ABCA1: variants seen among roughly 807,000 people sequenced by gnomAD.
The protein encoded by ABCA1 is ATP binding cassette subfamily A member 1.
Under a neutral mutation model 262.5 loss-of-function variants are expected in ABCA1, and 133 were observed. The ratio of observed to expected loss-of-function variants is 0.51; its 90% CI spans 0.44 to 0.59. The LOEUF is 0.59. ABCA1 is among the 20% of genes least tolerant of loss of function. The pLI is 0.00. For missense variants in ABCA1, 2,452 were observed against 2,777.5 expected (o/e 0.88, Z 2.63); for synonymous variants, 1,022 against 1,043.5 (o/e 0.98, Z 0.40).
intron 6 of ABCA1, among the ~76,000 whole-genome samples, chr9:104,859,529 T>C (rs765774501): frequency 6.6e-6 from 1 of 152,230 alleles, no homozygotes; most frequent in African/African-American, 2.4e-5. Context: ...CCTGTTTAAA[T>C]TGGGGCAGGC....
chr9:104,859,636 T>C (rs1052994727), intron 6 of ABCA1, among the ~76,000 whole-genome samples: 2 of 152,210 alleles, frequency 1.3e-5, no homozygotes, highest in African/African-American at 4.8e-5. Flanking sequence ...TGGCCTACCA[T>C]GATTCCCATT....
chr9:104,875,409 G>C (rs1838076446), intron 5 of ABCA1, among the ~76,000 whole-genome samples: 1 of 151,712 alleles, frequency 6.6e-6, no homozygotes, highest in South Asian at 2.1e-4. Context: ...TGAACATAAG[G>C]GAAGTGGCAG....
chr9:104,827,840 T>C (rs1180431040), intron 15 of ABCA1, among the ~76,000 whole-genome samples: 1 of 152,192 alleles, frequency 6.6e-6, no homozygotes, highest in African/African-American at 2.4e-5. Flanking sequence ...AATAAAGTCC[T>C]TGACCTTCCT....
intron 15 of ABCA1, among the ~76,000 whole-genome samples, chr9:104,827,508 G>A (rs1391683086): frequency 3.3e-5 from 5 of 152,200 alleles, no homozygotes; most frequent in Admixed American, 6.5e-5. Flanking sequence ...TGGCACCACA[G>A]AAGAGCTGTG....
In ABCA1 at chr9:104,806,387, G is replaced by A. The variant is rs1564104548; in HGVS notation, c.4318C>T (p.Pro1440Ser). 2.5e-6 allele frequency: 4 copies of A among 1,614,150 alleles called. No homozygotes were observed. The highest frequency in any genetic ancestry group is 3.4e-6 in the Non-Finnish European group (4 of 1,180,034). Residue 1440 changes from proline to serine, a missense_variant, in exon 31 of 50, where the codon CCA becomes TCA. Transcript: ENST00000374736. ...AGGTCCATGATGGTCTGGGGAACTG[G>A]GGCAGTGGTCCACTCTTCCTCCCCT... ...QAGEEEWTTA[P>S]VPQTIMDLFQ...
chr9:104,792,007 A>T lies in ABCA1; in HGVS notation c.5758-9T>A. 2 of 1,611,872 alleles carry T rather than the reference A, an allele frequency of 1.2e-6. No homozygotes were observed. The highest frequency in any genetic ancestry group is 1.7e-6 in the Non-Finnish European group (2 of 1,179,070). ...CGCTTCCTTCTATATATCTGCAACAAACAAAATGTAAACATTCATAAGCCT... is the reference window on the plus strand; with the variant it reads ...CGCTTCCTTCTATATATCTGCAACATACAAAATGTAAACATTCATAAGCCT... On this transcript the variant is annotated splice_polypyrimidine_tract_variant and intron_variant, in intron 42 of 49. Transcript: ENST00000374736.
intron 5 of ABCA1, among the ~76,000 whole-genome samples, chr9:104,878,367 T>C (rs750775715): frequency 4.6e-5 from 7 of 152,232 alleles, no homozygotes; most frequent in Non-Finnish European, 7.3e-5. Flanking sequence ...TTGGATTTCT[T>C]ATTAGGATGA....
intron 2 of ABCA1, among the ~76,000 whole-genome samples, chr9:104,890,921 T>C (rs1361906739): frequency 6.6e-6 from 1 of 152,206 alleles, no homozygotes; most frequent in Non-Finnish European, 1.5e-5. Flanking sequence ...TGGATCTCTG[T>C]TAACATCTTT....
chr9:104,819,726 A>C lies in ABCA1; in HGVS notation c.3104-3T>G. The C allele has an allele frequency of 6.2e-7, 1 of 1,614,150 alleles. No individual in the cohort carries two copies. The highest frequency in any genetic ancestry group is 1.1e-5 in the South Asian group (1 of 91,082). On this transcript the variant is annotated splice_region_variant and splice_polypyrimidine_tract_variant and intron_variant, in intron 21 of 49. Transcript: ENST00000374736. Reference sequence around the variant, plus strand: ...AGATAGCTTTCTCTGCATTCCACCTACAAAAAAACAGAGCAAGACAAACTC... The same window carrying C: ...AGATAGCTTTCTCTGCATTCCACCTCCAAAAAAACAGAGCAAGACAAACTC...
chr9:104,905,736 A>G (rs1841078505), intron 1 of ABCA1, among the ~76,000 whole-genome samples: 1 of 152,248 alleles, frequency 6.6e-6, no homozygotes, highest in Non-Finnish European at 1.5e-5. Flanking sequence ...ACTGAAATAA[A>G]TAATTAGCTA....
chr9:104,837,136 G>A lies in ABCA1; in HGVS notation c.1195-40C>T, dbSNP rs750585777. 34 of 1,514,208 alleles carry A rather than the reference G, an allele frequency of 2.2e-5. No individual in the cohort carries two copies. The Admixed American group carries it at 5.1e-4, about 23-fold the overall frequency. 93.8% of individuals were successfully genotyped at this position (1,514,208 alleles called of 1,614,324 possible). The stretch of plus-strand genomic sequence containing the variant: ...GGAGCCAGGGACCGCAGAAAAAGGA[G>A]GAGAAGCACAGACAATGAGCGTTTG... On this transcript the variant is annotated intron_variant, in intron 10 of 49. Coordinates refer to ENST00000374736, the MANE Select transcript of ABCA1 (RefSeq NM_005502.4).
intron 8 of ABCA1, among the ~76,000 whole-genome samples, chr9:104,842,395 C>A (rs919379098): frequency 3.9e-5 from 6 of 152,146 alleles, no homozygotes; most frequent in African/African-American, 1.2e-4. Context: ...ACTTCTCTTT[C>A]CACAGGCAGC....
intron 2 of ABCA1, among the ~76,000 whole-genome samples, chr9:104,891,327 A>C (rs1056012316): frequency 6.6e-6 from 1 of 152,262 alleles, no homozygotes; most frequent in African/African-American, 2.4e-5. Flanking sequence ...TGTGAGGCCA[A>C]GGCAGGCGGA....
At position 104,817,986 on chromosome 9, in the gene ABCA1, T is replaced by G. The variant is rs529734166; in HGVS notation, c.3463-582A>C. ...AACACACAAATAAATCTCAGGCATGTACTGCGGTACAGAGGAAAACATACC... is the reference window on the plus strand; with the variant it reads ...AACACACAAATAAATCTCAGGCATGGACTGCGGTACAGAGGAAAACATACC... On this transcript the variant is annotated intron_variant, in intron 23 of 49. Coordinates refer to ENST00000374736, the MANE Select transcript of ABCA1 (RefSeq NM_005502.4). This position sits in a 1 kb window ranked among gnomAD's most constrained non-coding sequence, Gnocchi z 4.7. Among the ~76,000 whole-genome samples the G allele has an allele frequency of 3.3e-5, 5 of 152,320 alleles. No homozygotes were observed. In the South Asian group the frequency reaches 1.0e-3, roughly 32 times the overall value.
chr9:104,859,345 T>C lies in ABCA1; in HGVS notation c.544-647A>G, dbSNP rs551838347. 8.1e-4 allele frequency among the ~76,000 whole-genome samples: 123 copies of C among 152,198 alleles called. 1 individual carries two copies. Among genetic ancestry groups the C allele is most frequent in the African/African-American group, 2.6e-3 (108 of 41,442 alleles). ...CTCTTCTTGGTCATATTTTACTTAA[T>C]TGCCTTTCTGGACCTAAACTATTCT... On this transcript the variant is annotated intron_variant, in intron 6 of 49. Coordinates refer to ENST00000374736, the MANE Select transcript of ABCA1 (RefSeq NM_005502.4).
intron 13 of ABCA1, 92 bp from the exon 14 acceptor site, chr9:104,831,193 T>G: frequency 3.5e-6 from 4 of 1,147,944 alleles, no homozygotes; most frequent in Non-Finnish European, 4.8e-6. Flanking sequence ...CTACTACCCT[T>G]ACCAAGCCCC....
intron 43 of ABCA1, 45 bp downstream of exon 43, chr9:104,791,891 T>G (rs781249833): frequency 6.3e-7 from 1 of 1,585,990 alleles, no homozygotes; most frequent in Non-Finnish European, 8.6e-7. Flanking sequence ...GTAGAGATAG[T>G]CTGAACTAAT....
Position 104,833,089 on chromosome 9 carries a change from CAAT to C in ABCA1, c.1312-321_1312-319del, listed in dbSNP as rs893054411. Among the ~76,000 whole-genome samples, 4 of 152,332 alleles carry C rather than the reference CAAT, an allele frequency of 2.6e-5. 1 individual carries two copies. The highest frequency in any genetic ancestry group is 4.8e-5 in the African/African-American group (2 of 41,580). On this transcript the variant is annotated intron_variant, in intron 11 of 49. Transcript: ENST00000374736. ...ATGGTATTAACTACAGTAACAACAACAATACTTCCTTTATATAGTTACTATGTT... is the reference window on the plus strand; with the variant it reads ...ATGGTATTAACTACAGTAACAACAACACTTCCTTTATATAGTTACTATGTT...
At chr9:104,822,869 G>A (rs1832488950) in intron 18 of ABCA1, among the ~76,000 whole-genome samples, 1 of 152,130 alleles carries the variant, frequency 6.6e-6, no homozygotes, top group South Asian at 2.1e-4. Flanking sequence ...GATGATAAAG[G>A]AGCATTCAGA....
Sources: gnomAD v4.1 joint callset for allele counts (sites outside exome capture counted in the v4.1 genomes callset) on GRCh38, gnomAD v4.1.1 for gene constraint, Gnocchi (gnomAD v3.1) non-coding constraint, MANE v1.5 for transcripts, NCBI Gene and HGNC (gene_info 2026-07-23, HGNC 2026-07-21) for gene names.